The following PIK3R5 variants were observed in gnomAD, a reference collection of about 807,000 sequenced individuals.
The protein encoded by PIK3R5 is phosphoinositide-3-kinase regulatory subunit 5, also known as phosphoinositide 3-kinase regulatory subunit 5.
Under a neutral mutation model 94.9 loss-of-function variants are expected in PIK3R5, and 32 were observed. The observed-to-expected ratio is 0.34, with a 90% CI of 0.25 to 0.45. PIK3R5 has a LOEUF of 0.45. PIK3R5 is among the 20% of genes least tolerant of loss of function. PIK3R5 has a pLI of 1.00. For missense variants in PIK3R5, 853 were observed against 1,144.6 expected (o/e 0.75, Z 3.68); for synonymous variants, 443 against 479.4 (o/e 0.92, Z 0.99).
At chr17:8,919,020 G>A (rs1184032418) in intron 1 of PIK3R5, among the ~76,000 whole-genome samples, 7 of 152,126 alleles carry the variant, frequency 4.6e-5, no homozygotes, top group Non-Finnish European at 1.0e-4. Context: ...TCACTATGGT[G>A]AGTCCTCACC....
intron 1 of PIK3R5, among the ~76,000 whole-genome samples, chr17:8,937,539 G>A (rs958981408): frequency 2.0e-5 from 3 of 152,120 alleles, no homozygotes; most frequent in Admixed American, 1.3e-4. Flanking sequence ...TACGTTAGTT[G>A]ACTTTCAAAT....
intron 1 of PIK3R5, among the ~76,000 whole-genome samples, chr17:8,924,929 A>C (rs1385595235): frequency 6.6e-6 from 1 of 152,246 alleles, no homozygotes; most frequent in South Asian, 2.1e-4. Flanking sequence ...TCTAATGGAC[A>C]ACTTACTATG....
intron 1 of PIK3R5, among the ~76,000 whole-genome samples, chr17:8,927,643 AC>A (rs1183904609): frequency 1.3e-5 from 2 of 152,006 alleles, no homozygotes; most frequent in Admixed American, 1.3e-4. Flanking sequence ...GTAAGGAGGC[AC>A]TCCTACCGTT....
rs535738374 is a variant in PIK3R5, at chr17:8,881,965, G to A, written c.2206-84C>T. 9.4e-7 allele frequency: 1 copy of A among 1,058,264 alleles called. No individual in the cohort carries two copies. The highest frequency in any genetic ancestry group is 1.4e-6 in the Non-Finnish European group (1 of 696,178). The allele number at this position is 1,058,264 out of a possible 1,614,324, so 65.6% of individuals were successfully genotyped here. A position where few individuals can be genotyped will look rare whatever the true frequency, so the allele number is the denominator to read the frequency against. On this transcript the variant is annotated intron_variant, in intron 15 of 18. Transcript: ENST00000447110. This position sits in a 1 kb window ranked among gnomAD's most constrained non-coding sequence, Gnocchi z 4.8. ...CTCTTTGAAGGCCCATCAGTGACAG[G>A]GGGTTGCCTCTAGTTAGCATATCCC...
rs761072637 is a variant in PIK3R5 at position 8,893,763 on chromosome 17, T to C, written c.413-108A>G. Reference sequence around the variant, plus strand: ...GACAATCAGGTTGGAAATTCCCGGATGGAGCTCAGGCGAACCTGCAGAGAA... The same window carrying C: ...GACAATCAGGTTGGAAATTCCCGGACGGAGCTCAGGCGAACCTGCAGAGAA... On this transcript the variant is annotated intron_variant, in intron 5 of 18. Coordinates refer to ENST00000447110, the MANE Select transcript of PIK3R5 (RefSeq NM_001142633.3). The surrounding 1 kb of genome is among the most constrained non-coding windows in gnomAD (Gnocchi z 5.1). 1.4e-5 allele frequency: 12 copies of C among 845,096 alleles called. No homozygotes were observed. Among genetic ancestry groups the C allele is most frequent in the Non-Finnish European group, 2.4e-5 (12 of 507,782 alleles). 52.3% of individuals were successfully genotyped at this position (845,096 alleles called of 1,614,324 possible).
intron 1 of PIK3R5, among the ~76,000 whole-genome samples, chr17:8,942,993 G>T (rs1455816341): frequency 2.9e-5 from 2 of 69,034 alleles, no homozygotes; most frequent in Admixed American, 3.0e-4. Context: ...CACACACTTT[G>T]CTAAAACATT....
At chr17:8,934,350 G>A (rs1202619746) in intron 1 of PIK3R5, among the ~76,000 whole-genome samples, 1 of 152,106 alleles carries the variant, frequency 6.6e-6, no homozygotes, top group Non-Finnish European at 1.5e-5. Flanking sequence ...AAAATTCTTA[G>A]GGAATTTACC....
At chr17:8,952,624 T>C (rs1283949849) in intron 1 of PIK3R5, among the ~76,000 whole-genome samples, 1 of 152,116 alleles carries the variant, frequency 6.6e-6, no homozygotes, top group Non-Finnish European at 1.5e-5. Flanking sequence ...GTCGAGAGAG[T>C]AATATTTTTA....
intron 1 of PIK3R5, among the ~76,000 whole-genome samples, chr17:8,950,665 T>C (rs2091360432): frequency 6.6e-6 from 1 of 152,240 alleles, no homozygotes; most frequent in Non-Finnish European, 1.5e-5. Context: ...TCATGGTTTA[T>C]ATGTAGAACA....
chr17:8,951,767 G>A (rs2091381511), intron 1 of PIK3R5, among the ~76,000 whole-genome samples: 1 of 152,200 alleles, frequency 6.6e-6, no homozygotes, highest in Admixed American at 6.5e-5. Flanking sequence ...GAACATCTAT[G>A]TAACAGTGAA....
intron 1 of PIK3R5, among the ~76,000 whole-genome samples, chr17:8,942,724 G>T (rs1466868315): frequency 6.6e-6 from 1 of 151,982 alleles, no homozygotes; most frequent in Non-Finnish European, 1.5e-5. Context: ...TCCTGCCTCA[G>T]CCTCCTGAGT....
At position 8,888,118 on chromosome 17, in the gene PIK3R5, C is replaced by T. The variant is rs2089922645; in HGVS notation, c.1616+53G>A. 1 of 1,580,470 alleles carries T rather than the reference C, an allele frequency of 6.3e-7. No individual in the cohort carries two copies. Among genetic ancestry groups the T allele is most frequent in the Non-Finnish European group, 8.7e-7 (1 of 1,152,918 alleles). On this transcript the variant is annotated intron_variant, in intron 10 of 18. Transcript: ENST00000447110. This position sits in a 1 kb window ranked among gnomAD's most constrained non-coding sequence, Gnocchi z 7.8. ...AGCCTCAGGCCCCAGATTCCACCAG[C>T]ACAACAACCCTGTTACCCAGGGCAG...
In PIK3R5 at chr17:8,890,085, G is replaced by T. The variant is rs150952108; in HGVS notation, c.699C>A (p.Thr233=). The change falls in exon 8 of 19, where the codon ACC becomes ACA. Residue 233 remains threonine (T), a synonymous_variant. Coordinates refer to ENST00000447110, the MANE Select transcript of PIK3R5 (RefSeq NM_001142633.3). The surrounding 1 kb of genome is among the most constrained non-coding windows in gnomAD (Gnocchi z 6.1). ...CAGATGCCAGCTCCTGTGCCTCTGCGGTCTCCGTGAAGATGTCCTCAAGCT... is the reference window on the plus strand; with the variant it reads ...CAGATGCCAGCTCCTGTGCCTCTGCTGTCTCCGTGAAGATGTCCTCAAGCT... The part of the protein sequence containing the change: ...LAELEDIFTE[T]AEAQELASGI... The T allele has an allele frequency of 6.2e-7, 1 of 1,613,984 alleles. No individual in the cohort carries two copies. The highest frequency in any genetic ancestry group is 8.5e-7 in the Non-Finnish European group (1 of 1,179,960).
In PIK3R5 at chr17:8,909,112, G is replaced by A. The variant is rs761218291; in HGVS notation, c.166C>T (p.Leu56Phe). Residue 56 changes from leucine (L) to phenylalanine (F), a missense_variant, in exon 3 of 19, where the codon CTT becomes TTT. Physicochemically the swap from Leu to Phe is conservative, Grantham distance 22. Around this residue, in one of 6 missense-constraint regions of PIK3R5, gnomAD observed 108 missense variants for 170.1 expected, o/e 0.63. Transcript: ENST00000447110. This position sits in a 1 kb window ranked among gnomAD's most constrained non-coding sequence, Gnocchi z 4.3. ...ELVSRDPGHF[L>F]ILLEQILQKT... ...TGCAGGATCTGCTCAAGGAGGATAAGGAAGTGGCCCGGGTCCCTGCTGACC... is the reference window on the plus strand; with the variant it reads ...TGCAGGATCTGCTCAAGGAGGATAAAGAAGTGGCCCGGGTCCCTGCTGACC... The A allele has an allele frequency of 9.9e-6, 16 of 1,610,096 alleles. No individual in the cohort carries two copies. Among genetic ancestry groups the A allele is most frequent in the Non-Finnish European group, 1.4e-5 (16 of 1,177,992 alleles).
chr17:8,889,100 G>T lies in PIK3R5; in HGVS notation c.895+39C>A. On this transcript the variant is annotated intron_variant, in intron 9 of 18. Coordinates refer to ENST00000447110, the MANE Select transcript of PIK3R5 (RefSeq NM_001142633.3). This position sits in a 1 kb window ranked among gnomAD's most constrained non-coding sequence, Gnocchi z 4.1. ...CAGGACCAGAAACACAGCTCAGGCA[G>T]TGTGGGGCATGGGTGTCACCAGGGC... 6.3e-7 allele frequency: 1 copy of T among 1,588,976 alleles called. No homozygotes were observed. Among genetic ancestry groups the T allele is most frequent in the East Asian group, 2.2e-5 (1 of 44,812 alleles).
In PIK3R5 at chr17:8,888,570, C is replaced by T. The variant is rs143224779; in HGVS notation, c.1217G>A (p.Arg406His). ...GTGGCCTCGGCGTTCCTGGCTGCCA[C>T]GCCTCCAAGGCCACTCGGAGGAGCT... is the stretch of plus-strand genomic sequence containing the variant. ...EESSSEWPWR[R>H]GSQERRGHRR... The change falls in exon 10 of 19, where the codon CGT becomes CAT. Residue 406 changes from arginine to histidine, a missense_variant. By Grantham distance (29) the Arg-to-His change is conservative. This residue lies in a region of PIK3R5 where 319 missense variants were observed against 339.8 expected (regional missense o/e 0.94). Transcript: ENST00000447110. This position sits in a 1 kb window ranked among gnomAD's most constrained non-coding sequence, Gnocchi z 7.8. 90 of 1,612,016 alleles carry T rather than the reference C, an allele frequency of 5.6e-5. No individual in the cohort carries two copies. Among genetic ancestry groups the T allele is most frequent in the Admixed American group, 3.5e-4 (21 of 59,914 alleles).
At position 8,884,114 on chromosome 17, in the gene PIK3R5, C is replaced by T. The variant is rs151146503; in HGVS notation, c.2205+593G>A. ...GCCTAGGCTTCCCTGCTCAACCCCTCTTTTCCCCTGCCCAGCACAGAGGCA... is the reference window on the plus strand; with the variant it reads ...GCCTAGGCTTCCCTGCTCAACCCCTTTTTTCCCCTGCCCAGCACAGAGGCA... On this transcript the variant is annotated intron_variant, in intron 15 of 18. Transcript: ENST00000447110. The surrounding 1 kb of genome is among the most constrained non-coding windows in gnomAD (Gnocchi z 5.8). Among the ~76,000 whole-genome samples, 431 of 152,330 alleles carry T rather than the reference C, an allele frequency of 2.8e-3. 2 individuals carry two copies. The highest frequency in any genetic ancestry group is 4.2e-3 in the Non-Finnish European group (284 of 68,022).
intron 2 of PIK3R5, among the ~76,000 whole-genome samples, chr17:8,910,492 A>T (rs189587817): frequency 6.6e-6 from 1 of 152,144 alleles, no homozygotes; most frequent in African/African-American, 2.4e-5. Flanking sequence ...TGAGGATCCC[A>T]CTGTCCCTTC....
chr17:8,963,573 T>G (rs1162288684), intron 1 of PIK3R5, among the ~76,000 whole-genome samples: 1 of 151,768 alleles, frequency 6.6e-6, no homozygotes, highest in African/African-American at 2.4e-5. Context: ...GGTCTCTCTG[T>G]GTCTGCCAGG....
Sources: gnomAD v4.1 joint callset for allele counts (sites outside exome capture counted in the v4.1 genomes callset) on GRCh38, gnomAD v4.1.1 for gene constraint, gnomAD v4.1.1 regional missense constraint, Gnocchi (gnomAD v3.1) non-coding constraint, MANE v1.5 for transcripts, NCBI Gene and HGNC (gene_info 2026-07-23, HGNC 2026-07-21) for gene names.